SHISA9: variants seen among roughly 807,000 people sequenced by gnomAD.
SHISA9 encodes protein shisa-9.
SHISA9 carries 13 observed loss-of-function variants against 38.0 expected under a neutral mutation model. The observed-to-expected ratio is 0.34, with a 90% CI of 0.22 to 0.54. The LOEUF is 0.54. SHISA9 is among the 20% of genes least tolerant of loss of function. SHISA9 has a pLI of 0.91. For missense variants in SHISA9, 538 were observed against 575.8 expected, an observed-to-expected ratio of 0.93 and a Z score of 0.67; for synonymous variants, 275 against 242.0, an observed-to-expected ratio of 1.14 and a Z score of -1.27.
chr16:12,971,815 A>G (rs2072086900), intron 2 of SHISA9, among the ~76,000 whole-genome samples: 1 of 152,184 alleles, frequency 6.6e-6, no homozygotes, highest in South Asian at 2.1e-4. Context: ...AGACCTTCTT[A>G]GCTCCTTTCC....
rs139354280 is a variant in SHISA9 at position 13,206,009 on chromosome 16, C to G, written c.847+2460C>G. ...CGAACTCCTGACTTCAAATGATTTT[C>G]CCAGCTTGGCCTCCCAAAGTGCTGA... On this transcript the variant is annotated intron_variant, in intron 3 of 4. Coordinates refer to ENST00000558583, the MANE Select transcript of SHISA9 (RefSeq NM_001145204.3). 5.9e-5 allele frequency among the ~76,000 whole-genome samples: 9 copies of G among 151,518 alleles called. No individual in the cohort carries two copies. The East Asian group carries it at 1.8e-3, about 29-fold the overall frequency.
At chr16:13,261,346 G>C in the SHISA9 span, among the ~76,000 whole-genome samples, 1 of 152,138 alleles carries the variant, frequency 6.6e-6, no homozygotes, top group East Asian at 1.9e-4. Context: ...GGTGGTTGTA[G>C]TGGTGGTGAT....
At chr16:13,021,304 A>G (rs1285649949) in intron 2 of SHISA9, among the ~76,000 whole-genome samples, 11 of 152,192 alleles carry the variant, frequency 7.2e-5, no homozygotes, top group Non-Finnish European at 1.5e-5. Context: ...ATCTTACAAT[A>G]CACAGGACCC....
intron 2 of SHISA9, among the ~76,000 whole-genome samples, chr16:13,077,521 C>A (rs1207971536): frequency 1.3e-5 from 2 of 152,228 alleles, no homozygotes; most frequent in East Asian, 3.9e-4. Flanking sequence ...ATAAAAATGA[C>A]CCCTGAGGTC....
intron 2 of SHISA9, among the ~76,000 whole-genome samples, chr16:13,045,617 AG>A (rs1491129809): frequency 1.3e-5 from 2 of 150,838 alleles, no homozygotes; most frequent in Admixed American, 1.3e-4. Context: ...GGAGAGGGAG[AG>A]GGAGAGGGAG....
the SHISA9 span, among the ~76,000 whole-genome samples, chr16:13,544,010 A>C: frequency 2.0e-5 from 3 of 152,210 alleles, no homozygotes; most frequent in African/African-American, 7.2e-5. Context: ...ACGTGCCTAA[A>C]ATTTTACAGG....
chr16:13,335,466 G>C, the SHISA9 span, among the ~76,000 whole-genome samples: 1 of 152,048 alleles, frequency 6.6e-6, no homozygotes, highest in Non-Finnish European at 1.5e-5. Context: ...TTAAACAAAG[G>C]TGCCCATATA....
chr16:13,205,513 T>C (rs966240740), intron 3 of SHISA9, among the ~76,000 whole-genome samples: 2 of 152,232 alleles, frequency 1.3e-5, no homozygotes, highest in African/African-American at 4.8e-5. Context: ...CTGGCTCTAC[T>C]GCTTACCATC....
intron 2 of SHISA9, among the ~76,000 whole-genome samples, chr16:12,985,043 G>T (rs551432735): frequency 2.3e-4 from 35 of 152,136 alleles, no homozygotes; most frequent in Admixed American, 3.9e-4. Flanking sequence ...CTCCCTCATT[G>T]GTTTATCCTC....
chr16:12,951,634 G>T (rs949846324), intron 2 of SHISA9, among the ~76,000 whole-genome samples: 10 of 152,184 alleles, frequency 6.6e-5, no homozygotes, highest in African/African-American at 1.2e-4. Context: ...GGATGGCGGT[G>T]GGGGAGGGGT....
chr16:13,445,860 TG>T, the SHISA9 span, among the ~76,000 whole-genome samples: 1 of 152,176 alleles, frequency 6.6e-6, no homozygotes, highest in African/African-American at 2.4e-5. Context: ...ACCTTTAAAA[TG>T]GGGGCTAATA....
chr16:13,296,002 G>A, the SHISA9 span, among the ~76,000 whole-genome samples: 2 of 152,084 alleles, frequency 1.3e-5, no homozygotes, highest in Non-Finnish European at 2.9e-5. Context: ...GCTAGAAAAC[G>A]GGAAGGATTT....
intron 2 of SHISA9, among the ~76,000 whole-genome samples, chr16:13,053,820 T>C (rs1300631830): frequency 6.6e-6 from 1 of 152,174 alleles, no homozygotes; most frequent in African/African-American, 2.4e-5. Context: ...AATAAAATAG[T>C]TTTTCTGTAA....
At chr16:13,315,084 G>A in the SHISA9 span, among the ~76,000 whole-genome samples, 73,097 of 151,374 alleles carry the variant, frequency 0.48, 17,822 homozygotes, top group Middle Eastern at 0.53. Context: ...TTGTCAAATA[G>A]AACCTGCTGT....
rs530177265 is a variant in SHISA9 at position 12,911,424 on chromosome 16, C to T, written c.564-5264C>T. ...TTTTTTGTATGCACCCCAATATATG[C>T]ACATTTATAAGCATATGCATGAACC... On this transcript the variant is annotated intron_variant, in intron 1 of 4. Transcript: ENST00000558583. The T allele has an allele frequency of 6.6e-5, 64 of 973,398 alleles. No individual in the cohort carries two copies. The African/African-American group carries it at 1.1e-3, about 17-fold the overall frequency. 60.3% of individuals were successfully genotyped at this position (973,398 alleles called of 1,614,324 possible).
intron 2 of SHISA9, among the ~76,000 whole-genome samples, chr16:12,958,067 A>G (rs1203309778): frequency 1.3e-5 from 2 of 152,194 alleles, no homozygotes; most frequent in African/African-American, 4.8e-5. Flanking sequence ...AAGCAGTTTA[A>G]TTGGTTGAAG....
chr16:13,170,098 G>T (rs2050672018), intron 2 of SHISA9, among the ~76,000 whole-genome samples: 1 of 151,234 alleles, frequency 6.6e-6, no homozygotes. Context: ...AGCTATTCAA[G>T]AGGCTGAGGC....
At chr16:13,019,214 G>C (rs1243119930) in intron 2 of SHISA9, among the ~76,000 whole-genome samples, 2 of 152,210 alleles carry the variant, frequency 1.3e-5, no homozygotes, top group African/African-American at 4.8e-5. Flanking sequence ...TGGCCAGGCT[G>C]GTCTTGAACT....
At chr16:13,441,866 G>A in the SHISA9 span, among the ~76,000 whole-genome samples, 1 of 152,154 alleles carries the variant, frequency 6.6e-6, no homozygotes, top group African/African-American at 2.4e-5. Flanking sequence ...CTATGTGTGG[G>A]GCCGTAGCCA....
Sources: allele counts gnomAD v4.1 joint callset (sites outside exome capture counted in the v4.1 genomes callset), GRCh38; gene constraint gnomAD v4.1.1; transcripts MANE v1.5; gene names NCBI Gene and HGNC (gene_info 2026-07-23, HGNC 2026-07-21).